The following SPIDR variants were observed in gnomAD, a reference collection of about 807,000 sequenced individuals.
The protein encoded by SPIDR is DNA repair-scaffolding protein.
Under a neutral mutation model 104.6 loss-of-function variants are expected in SPIDR, and 93 were observed. The ratio of observed to expected loss-of-function variants is 0.89; its 90% CI spans 0.75 to 1.06. The LOEUF (loss-of-function observed/expected upper bound fraction) is 1.06. SPIDR is among the 50% of genes least tolerant of loss of function. The pLI is 0.00. For synonymous variants in SPIDR, 431 were observed against 416.9 expected, an observed-to-expected ratio of 1.03 and a Z score of -0.41; for missense variants, 1,154 against 1,111.2, an observed-to-expected ratio of 1.04 and a Z score of -0.55.
chr8:47,549,147 A>G (rs1463767897), intron 8 of SPIDR, among the ~76,000 whole-genome samples: 1 of 152,046 alleles, frequency 6.6e-6, no homozygotes, highest in South Asian at 2.1e-4. Flanking sequence ...ATATGTGCCA[A>G]TTTTCTTAAT....
At chr8:47,521,203 A>G (rs1348226812) in intron 8 of SPIDR, among the ~76,000 whole-genome samples, 5 of 152,264 alleles carry the variant, frequency 3.3e-5, no homozygotes, top group East Asian at 1.9e-4. Context: ...GTTGAGGTCA[A>G]CCTCATTCAG....
intron 8 of SPIDR, among the ~76,000 whole-genome samples, chr8:47,510,281 A>AGTGTTAC (rs2082116327): frequency 1.3e-5 from 2 of 152,262 alleles, no homozygotes; most frequent in Non-Finnish European, 2.9e-5. Flanking sequence ...GTGCACACAC[A>AGTGTTAC]AATGCTGACA....
chr8:47,603,186 C>T (rs2062508591), intron 10 of SPIDR, among the ~76,000 whole-genome samples: 1 of 150,430 alleles, frequency 6.6e-6, no homozygotes, highest in Admixed American at 6.6e-5. Flanking sequence ...GGAGCACTGG[C>T]CTTCGAGGTA....
rs1285238836 is a variant in SPIDR at position 47,578,601 on chromosome 8, A to G, written c.1098-17210A>G. ...TAACAAGGTGCTTCAATGAAGCCAAATGTCTGAAACTTGTTACTTTTGAGT... is the reference window on the plus strand; with the variant it reads ...TAACAAGGTGCTTCAATGAAGCCAAGTGTCTGAAACTTGTTACTTTTGAGT... On this transcript the variant is annotated intron_variant, in intron 8 of 19. Coordinates refer to ENST00000297423, the MANE Select transcript of SPIDR (RefSeq NM_001080394.4). Among the ~76,000 whole-genome samples the G allele has an allele frequency of 2.0e-5, 3 of 152,226 alleles. No homozygotes were observed. The East Asian group carries it at 5.8e-4, about 29-fold the overall frequency.
At chr8:47,492,883 TCCTGGTATTTCCACCCTCATTGTG>T (rs1254983693) in intron 8 of SPIDR, among the ~76,000 whole-genome samples, 1 of 152,170 alleles carries the variant, frequency 6.6e-6, no homozygotes, top group Non-Finnish European at 1.5e-5. Flanking sequence ...AACTCAATAT[TCCTGGTATTTCCACCCTCATTGTG>T]CCTGGAGTAT....
At chr8:47,280,136 G>C in intron 2 of SPIDR, 119 bp downstream of exon 2, 1 of 942,974 alleles carries the variant, frequency 1.1e-6, no homozygotes, top group South Asian at 3.0e-5. Flanking sequence ...CACTGTAACT[G>C]GTACACTCCT....
At chr8:47,554,166 G>A (rs2090994241) in intron 8 of SPIDR, among the ~76,000 whole-genome samples, 1 of 152,172 alleles carries the variant, frequency 6.6e-6, no homozygotes, top group East Asian at 1.9e-4. Flanking sequence ...CCCCTACTGG[G>A]AGGTGTCTCC....
At chr8:47,511,425 G>A (rs371751620) in intron 8 of SPIDR, 10 of 806,372 alleles carry the variant, frequency 1.2e-5, no homozygotes, top group Middle Eastern at 2.2e-4. Context: ...TAAAGTCCTC[G>A]TCCTGATGTT....
intron 11 of SPIDR, among the ~76,000 whole-genome samples, chr8:47,686,217 T>A (rs2077797805): frequency 6.6e-6 from 1 of 152,172 alleles, no homozygotes; most frequent in Non-Finnish European, 1.5e-5. Flanking sequence ...CCATAGTTCT[T>A]CTTTCTTCCT....
intron 8 of SPIDR, among the ~76,000 whole-genome samples, chr8:47,549,337 G>A (rs531636600): frequency 1.3e-5 from 2 of 152,276 alleles, no homozygotes; most frequent in Admixed American, 6.5e-5. Flanking sequence ...TCCTAGAGGA[G>A]TCGTCACACT....
intron 8 of SPIDR, among the ~76,000 whole-genome samples, chr8:47,533,852 A>T (rs1330263268): frequency 2.0e-5 from 3 of 152,234 alleles, no homozygotes; most frequent in Non-Finnish European, 4.4e-5. Flanking sequence ...TGTGGAAAGC[A>T]GTATGGTGAT....
chr8:47,634,266 A>G (rs1169035238), intron 10 of SPIDR, among the ~76,000 whole-genome samples: 22 of 152,084 alleles, frequency 1.4e-4, no homozygotes, highest in Admixed American at 1.4e-3. Flanking sequence ...AGCCTGGCCA[A>G]GATGGTGAAA....
intron 8 of SPIDR, among the ~76,000 whole-genome samples, chr8:47,464,111 TATAC>T (rs1157632742): frequency 7.3e-5 from 7 of 95,444 alleles, no homozygotes; most frequent in East Asian, 6.5e-4. Flanking sequence ...CCCTAAAGAT[TATAC>T]ACACACACAC....
chr8:47,710,172 A>G (rs956713417), intron 14 of SPIDR, among the ~76,000 whole-genome samples: 40 of 151,994 alleles, frequency 2.6e-4, no homozygotes, highest in Admixed American at 8.5e-4. Context: ...GCCAGAGAAG[A>G]AACCTATTTT....
chr8:47,635,086 G>T (rs1041699788), intron 10 of SPIDR, among the ~76,000 whole-genome samples: 2 of 152,056 alleles, frequency 1.3e-5, no homozygotes, highest in African/African-American at 4.8e-5. Flanking sequence ...AAGATATAAA[G>T]ATATAGTTAT....
intron 16 of SPIDR, 23 bp downstream of exon 16, chr8:47,713,664 T>G: frequency 6.2e-7 from 1 of 1,613,390 alleles, no homozygotes; most frequent in Non-Finnish European, 8.5e-7. Flanking sequence ...CTCACAGGAA[T>G]TGGTGCTTAT....
intron 5 of SPIDR, among the ~76,000 whole-genome samples, chr8:47,391,497 C>T (rs773182537): frequency 2.6e-5 from 4 of 152,076 alleles, no homozygotes; most frequent in East Asian, 1.9e-4. Context: ...GCTGTGTTCA[C>T]GCCACCACAC....
intron 8 of SPIDR, among the ~76,000 whole-genome samples, chr8:47,447,456 C>T (rs899720181): frequency 2.0e-5 from 3 of 152,126 alleles, no homozygotes; most frequent in Non-Finnish European, 2.9e-5. Context: ...TCAGGTAATC[C>T]GCCTGCCTCA....
chr8:47,535,920 TC>T (rs1156785717), intron 8 of SPIDR, among the ~76,000 whole-genome samples: 1 of 152,114 alleles, frequency 6.6e-6, no homozygotes, highest in African/African-American at 2.4e-5. Context: ...ATGTAGAAAT[TC>T]CAGAGAATCA....
Sources: gnomAD v4.1 joint callset for allele counts (sites outside exome capture counted in the v4.1 genomes callset) on GRCh38, gnomAD v4.1.1 for gene constraint, MANE v1.5 for transcripts, NCBI Gene and HGNC (gene_info 2026-07-23, HGNC 2026-07-21) for gene names.